Variants in CHAF1A observed in about 807,000 individuals in gnomAD.
CHAF1A encodes the protein CAF-1 subunit A.
Under a neutral mutation model 93.2 loss-of-function variants are expected in CHAF1A, and 5 were observed. The ratio of observed to expected loss-of-function variants is 0.05; its 90% CI spans 0.03 to 0.11. The LOEUF (loss-of-function observed/expected upper bound fraction) is 0.11. Among genes scored for constraint, CHAF1A ranks in the 10% least tolerant of loss-of-function variants. The probability of loss-of-function intolerance (pLI) is 1.00; values close to 1 mark genes in which losing one functional copy is unlikely to be tolerated. For synonymous variants in CHAF1A, 504 were observed against 510.3 expected (o/e 0.99, Z 0.17); for missense variants, 1,102 against 1,259.9 (o/e 0.87, Z 1.90).
At chr19:4,446,302 G>A (rs758962723), downstream of CHAF1A, 29 of 1,572,062 alleles carry the variant, frequency 1.8e-5, no homozygotes, top group East Asian at 9.2e-5. Flanking sequence ...GGCAGCCATC[G>A]GGGAGGCGCA....
Position 4,418,086 on chromosome 19 carries a change from T to C in CHAF1A, c.1017+10T>C. The C allele has an allele frequency of 6.3e-7, 1 of 1,584,688 alleles. No homozygotes were observed. Among genetic ancestry groups the C allele is most frequent in the Non-Finnish European group, 8.6e-7 (1 of 1,162,826 alleles). On this transcript the variant is annotated intron_variant, in intron 4 of 14. Transcript: ENST00000301280. Reference sequence around the variant, plus strand: ...GCTCAGACTGCAAAGAGTAAGACATTTTCCCTGAAATAGAAAATTAACCTG... The same window carrying C: ...GCTCAGACTGCAAAGAGTAAGACATCTTCCCTGAAATAGAAAATTAACCTG...
chr19:4,405,463 CCGA>C (rs1243329468), intron 1 of CHAF1A, among the ~76,000 whole-genome samples: 1 of 151,992 alleles, frequency 6.6e-6, no homozygotes, highest in African/African-American at 2.4e-5. Context: ...CAAAAATTAG[CCGA>C]GAGTGGTGGC....
chr19:4,427,683 G>C (rs755807385), intron 7 of CHAF1A, among the ~76,000 whole-genome samples: 18 of 151,892 alleles, frequency 1.2e-4, no homozygotes, highest in Non-Finnish European at 2.2e-4. Flanking sequence ...TGCCTCCCAG[G>C]TTCAAGCAAT....
chr19:4,448,823 A>C, downstream of CHAF1A: 1 of 213,198 alleles, frequency 4.7e-6, no homozygotes, highest in Non-Finnish European at 9.6e-6. Context: ...CAGCCCCATG[A>C]TGGACGTTCT....
chr19:4,429,920 C>T, intron 10 of CHAF1A, 132 bp downstream of exon 10: 1 of 756,798 alleles, frequency 1.3e-6, no homozygotes, highest in South Asian at 1.8e-5. Context: ...GCTGTGTGGT[C>T]TGAAACCTGA....
chr19:4,436,143 A>C (rs538671260), intron 13 of CHAF1A, among the ~76,000 whole-genome samples: 26 of 149,046 alleles, frequency 1.7e-4, no homozygotes, highest in Admixed American at 4.0e-4. Context: ...TAGTCCCCCA[A>C]AAAAAAAAGA....
intron 3 of CHAF1A, among the ~76,000 whole-genome samples, chr19:4,414,903 C>A (rs763157930): frequency 2.0e-5 from 3 of 152,214 alleles, no homozygotes; most frequent in Non-Finnish European, 4.4e-5. Context: ...CTCCGCTCCC[C>A]TGCTGTCAGG....
chr19:4,439,391 G>A (rs72990620), intron 13 of CHAF1A, among the ~76,000 whole-genome samples: 9,560 of 152,238 alleles, frequency 0.063, 371 homozygotes, highest in Non-Finnish European at 0.093. Context: ...GCGCTCCTCC[G>A]TGTCTGTGTT....
chr19:4,414,837 C>T (rs1010576399), intron 3 of CHAF1A, among the ~76,000 whole-genome samples: 1 of 152,180 alleles, frequency 6.6e-6, no homozygotes, highest in Admixed American at 6.6e-5. Flanking sequence ...CTTATTTTCC[C>T]AGCTTGCACT....
chr19:4,428,291 CTTTTTT>C (rs71166995), intron 7 of CHAF1A, among the ~76,000 whole-genome samples: 3 of 138,134 alleles, frequency 2.2e-5, no homozygotes, highest in Non-Finnish European at 3.1e-5. Flanking sequence ...TGCCCCCGGC[CTTTTTT>C]TTTTTTTTTT....
At position 4,442,950 on chromosome 19, in the gene CHAF1A, T is replaced by C; in HGVS notation, c.2796T>C (p.Ala932=). 6.2e-7 allele frequency: 1 copy of C among 1,602,746 alleles called. No homozygotes were observed. The highest frequency in any genetic ancestry group is 8.5e-7 in the Non-Finnish European group (1 of 1,175,394). Residue 932 remains alanine, a synonymous_variant, in exon 15 of 15, where the codon GCT becomes GCC. Coordinates refer to ENST00000301280, the MANE Select transcript of CHAF1A (RefSeq NM_005483.3). ...AAEVQAPCGA[A]SGAGGGVGVD... Reference sequence around the variant, plus strand: ...AGGTCCAAGCCCCGTGTGGAGCCGCTTCCGGAGCTGGGGGTGGTGTGGGGG... The same window carrying C: ...AGGTCCAAGCCCCGTGTGGAGCCGCCTCCGGAGCTGGGGGTGGTGTGGGGG...
chr19:4,412,437 C>T (rs1203783110), intron 3 of CHAF1A, among the ~76,000 whole-genome samples: 12 of 152,216 alleles, frequency 7.9e-5, no homozygotes, highest in East Asian at 5.8e-4. Flanking sequence ...CCAGCTACGC[C>T]GGAGGCTGAG....
chr19:4,412,729 G>T (rs1973828729), intron 3 of CHAF1A, among the ~76,000 whole-genome samples: 1 of 152,202 alleles, frequency 6.6e-6, no homozygotes, highest in Admixed American at 6.5e-5. Flanking sequence ...CTGCATTTAG[G>T]ACGCTAGATC....
chr19:4,405,861 T>G, intron 1 of CHAF1A, 51 bp from the exon 2 acceptor site: 2 of 1,546,138 alleles, frequency 1.3e-6, no homozygotes, highest in Middle Eastern at 1.7e-4. Flanking sequence ...ATTTGCTAAC[T>G]TGATTATTTG....
At chr19:4,436,800 T>C (rs1445770672) in intron 13 of CHAF1A, among the ~76,000 whole-genome samples, 7 of 152,048 alleles carry the variant, frequency 4.6e-5, no homozygotes, top group Admixed American at 1.3e-4. Flanking sequence ...GCCCCGCCCC[T>C]GGTCCTCCCA....
At chr19:4,436,449 C>T (rs1489564654) in intron 13 of CHAF1A, among the ~76,000 whole-genome samples, 1 of 152,202 alleles carries the variant, frequency 6.6e-6, no homozygotes, top group African/African-American at 2.4e-5. Context: ...GGAGCTGGGG[C>T]CACAGGAGGC....
At chr19:4,447,130 A>G (rs1247657202), downstream of CHAF1A, 26 of 606,352 alleles carry the variant, frequency 4.3e-5, no homozygotes, top group Non-Finnish European at 7.3e-5. Context: ...CACAGAGGAA[A>G]GAGTCACAAC....
chr19:4,449,114 G>A (rs894494270), downstream of CHAF1A: 1 of 153,844 alleles, frequency 6.5e-6, no homozygotes, highest in African/African-American at 2.4e-5. Context: ...GAGAGGCTGA[G>A]AACAGTACGT....
chr19:4,447,279 G>T (rs528541722), downstream of CHAF1A: 3 of 572,282 alleles, frequency 5.2e-6, no homozygotes, highest in African/African-American at 3.7e-5. Context: ...CCCCAGAGTC[G>T]ACATGTTCCC....
Sources: gnomAD v4.1 joint callset for allele counts (sites outside exome capture counted in the v4.1 genomes callset) on GRCh38, gnomAD v4.1.1 for gene constraint, MANE v1.5 for transcripts, NCBI Gene and HGNC (gene_info 2026-07-23, HGNC 2026-07-21) for gene names.